Variants in SDR39U1 observed in about 807,000 individuals in gnomAD.
The protein encoded by SDR39U1 is epimerase family protein SDR39U1.
In SDR39U1, 29 loss-of-function variants were observed where a neutral mutation model predicts 31.7. The ratio of observed to expected loss-of-function variants is 0.92; its 90% CI spans 0.68 to 1.25. The LOEUF is 1.25. SDR39U1 is among the 50% of genes most tolerant of loss of function. The probability of loss-of-function intolerance (pLI) is 0.00; values close to 1 mark genes in which losing one functional copy is unlikely to be tolerated. For missense variants in SDR39U1, 403 were observed against 378.4 expected (o/e 1.06, Z -0.54); for synonymous variants, 147 against 159.0 (o/e 0.92, Z 0.57).
chr14:24,442,029 G>T, intron 3 of SDR39U1, 149 bp downstream of exon 3: 1 of 1,513,952 alleles, frequency 6.6e-7, no homozygotes, highest in Non-Finnish European at 8.9e-7. Flanking sequence ...AGCAGGTGGG[G>T]GTGGAGGAGT....
In SDR39U1 at chr14:24,441,726, G is replaced by A. The variant is rs376688059; in HGVS notation, c.276C>T (p.Ala92=). 2 of 1,599,926 alleles carry A rather than the reference G, an allele frequency of 1.3e-6. No individual in the cohort carries two copies. The highest frequency in any genetic ancestry group is 1.4e-5 in the African/African-American group (1 of 74,016). ...TGGGGGGTTGTGGGGCTTTGGTGAT[G>A]GCTTTAGCCAGCAATTGGGTGGTCT... ...RLETTQLLAK[A]ITKAPQPPKA... The change falls in exon 4 of 6, where the codon GCC becomes GCT. Residue 92 remains alanine, a synonymous_variant. Transcript: ENST00000399395.
chr14:24,439,843 C>T lies in SDR39U1; in HGVS notation c.*240G>A, dbSNP rs1007400728. 59 of 466,774 alleles carry T rather than the reference C, an allele frequency of 1.3e-4. 1 individual carries two copies. Among genetic ancestry groups the T allele is most frequent in the Admixed American group, 3.8e-4 (10 of 26,062 alleles). The allele number at this position is 466,774 out of a possible 1,614,324, so 28.9% of individuals were successfully genotyped here. ...GCGTAAAGGAGAAGTGGGGCAGCTG[C>T]AGGACATGTAGAGAAACCAAACTGG... On this transcript the variant is annotated 3_prime_UTR_variant, in exon 6 of 6. Transcript: ENST00000399395.
intron 3 of SDR39U1, 177 bp from the exon 4 acceptor site, chr14:24,441,972 C>T (rs992612852): frequency 2.2e-6 from 3 of 1,354,866 alleles, no homozygotes; most frequent in Non-Finnish European, 3.1e-6. Flanking sequence ...CCTGGGCATC[C>T]TGAGTTATAC....
At chr14:24,442,522 G>T in intron 1 of SDR39U1, 70 bp from the exon 2 acceptor site, 1 of 1,420,690 alleles carries the variant, frequency 7.0e-7, no homozygotes, top group Non-Finnish European at 9.8e-7. Context: ...TCCCCGCTGT[G>T]GCACCCTCTT....
chr14:24,442,555 C>G (rs1253714860), intron 1 of SDR39U1, 103 bp from the exon 2 acceptor site: 6 of 1,279,432 alleles, frequency 4.7e-6, no homozygotes, highest in Non-Finnish European at 6.7e-6. Flanking sequence ...CATCTGACAC[C>G]AGGCTTCTCC....
Position 24,441,630 on chromosome 14 carries a change from G to A in SDR39U1, c.328+44C>T, listed in dbSNP as rs781238250. The A allele has an allele frequency of 3.3e-6, 5 of 1,523,394 alleles. No individual in the cohort carries two copies. In the African/African-American group the frequency reaches 5.6e-5, roughly 17 times the overall value. The allele number at this position is 1,523,394 out of a possible 1,614,324, so 94.4% of individuals were successfully genotyped here. ...TAGCTACAGAGGTCTGAGTTACCCC[G>A]TTCCCCTGGCGAATATAAGGGGCTG... On this transcript the variant is annotated intron_variant, in intron 4 of 5. Coordinates refer to ENST00000399395, the MANE Select transcript of SDR39U1 (RefSeq NM_020195.3).
intron 3 of SDR39U1, 183 bp from the exon 4 acceptor site, chr14:24,441,978 T>C (rs989441967): frequency 1.7e-5 from 23 of 1,368,204 alleles, no homozygotes; most frequent in African/African-American, 2.9e-5. Flanking sequence ...CATCCTGAGT[T>C]ATACGTGAGG....
chr14:24,439,873 T>G lies in SDR39U1; in HGVS notation c.*210A>C. The G allele has an allele frequency of 3.9e-6, 2 of 508,196 alleles. No individual in the cohort carries two copies. The highest frequency in any genetic ancestry group is 3.1e-5 in the East Asian group (1 of 32,044). 31.5% of individuals were successfully genotyped at this position (508,196 alleles called of 1,614,324 possible). A position where few individuals can be genotyped will look rare whatever the true frequency, so the allele number is the denominator to read the frequency against. On this transcript the variant is annotated 3_prime_UTR_variant, in exon 6 of 6. Coordinates refer to ENST00000399395, the MANE Select transcript of SDR39U1 (RefSeq NM_020195.3). ...CATGTAGAGAAACCAAACTGGGAAA[T>G]CTTACAAGGAGTTGAAAAGATTAAT... is the stretch of plus-strand genomic sequence containing the variant.
At position 24,442,179 on chromosome 14, in the gene SDR39U1, T is replaced by C; in HGVS notation, c.205A>G (p.Arg69Gly). ...ATCAGCTTTAGGGCCCGGGCTGACC[T>C]TCGGAGAGGGTTGAGGATGTTCTCT... is the stretch of plus-strand genomic sequence containing the variant. ...AGENILNPLR[R>G]WNETFQKEVI... The change falls in exon 3 of 6, where the codon AGA becomes GGA. Residue 69 changes from arginine (R) to glycine (G), a missense_variant and splice_region_variant. Coordinates refer to ENST00000399395, the MANE Select transcript of SDR39U1 (RefSeq NM_020195.3). The C allele has an allele frequency of 6.2e-7, 1 of 1,610,254 alleles. No homozygotes were observed. Among genetic ancestry groups the C allele is most frequent in the Non-Finnish European group, 8.5e-7 (1 of 1,178,444 alleles).
chr14:24,440,074 A>T lies in SDR39U1; in HGVS notation c.*9T>A. On this transcript the variant is annotated 3_prime_UTR_variant, in exon 6 of 6. Coordinates refer to ENST00000399395, the MANE Select transcript of SDR39U1 (RefSeq NM_020195.3). ...GAGGAACAGGCCTCAGGCCCTTGCCACGACCTACTTAGGCTACAATTTCCT... is the reference window on the plus strand; with the variant it reads ...GAGGAACAGGCCTCAGGCCCTTGCCTCGACCTACTTAGGCTACAATTTCCT... 1 of 1,582,170 alleles carries T rather than the reference A, an allele frequency of 6.3e-7. No individual in the cohort carries two copies. The highest frequency in any genetic ancestry group is 8.6e-7 in the Non-Finnish European group (1 of 1,160,112).
At position 24,439,990 on chromosome 14, in the gene SDR39U1, A is replaced by G; in HGVS notation, c.*93T>C. 6.8e-6 allele frequency: 7 copies of G among 1,033,754 alleles called. No individual in the cohort carries two copies. Among genetic ancestry groups the G allele is most frequent in the Non-Finnish European group, 9.7e-6 (7 of 721,134 alleles). The allele number at this position is 1,033,754 out of a possible 1,614,324, so 64.0% of individuals were successfully genotyped here. ...ACTGGGAGAGGAATCTAAGAACCAG[A>G]TGGCTTCAGCTCTCTAGAGGAGCTG... On this transcript the variant is annotated 3_prime_UTR_variant, in exon 6 of 6. Coordinates refer to ENST00000399395, the MANE Select transcript of SDR39U1 (RefSeq NM_020195.3).
chr14:24,440,962 C>T, intron 4 of SDR39U1, 36 bp from the exon 5 acceptor site: 1 of 1,613,164 alleles, frequency 6.2e-7, no homozygotes, highest in Non-Finnish European at 8.5e-7. Context: ...CCTGGGTGTC[C>T]TTGGTCCTGC....
Position 24,440,043 on chromosome 14 carries a change from G to C in SDR39U1, c.*40C>G. On this transcript the variant is annotated 3_prime_UTR_variant, in exon 6 of 6. Transcript: ENST00000399395. ...CCTATTCACAGTGCCTAACCTGGAA[G>C]CCTGTGAGGAACAGGCCTCAGGCCC... 6.6e-6 allele frequency: 10 copies of C among 1,521,210 alleles called. No individual in the cohort carries two copies. The highest frequency in any genetic ancestry group is 8.9e-6 in the Non-Finnish European group (10 of 1,125,560). The allele number at this position is 1,521,210 out of a possible 1,614,324, so 94.2% of individuals were successfully genotyped here.
rs1045774683 is a variant in SDR39U1 at position 24,440,247 on chromosome 14, C to T, written c.718G>A (p.Ala240Thr). The change falls in exon 6 of 6, where the codon GCC becomes ACC. Residue 240 changes from alanine (A) to threonine (T), a missense_variant. Coordinates refer to ENST00000399395, the MANE Select transcript of SDR39U1 (RefSeq NM_020195.3). Reference protein sequence around the residue: ...QTLGAALGRRAFIPLPSAVVQ... With the variant: ...QTLGAALGRRTFIPLPSAVVQ... ...ACAGCGCTGGGGAGAGGGATGAAGG[C>T]TCGGCGGCCCAGGGCAGCACCCAAG... 10 of 1,613,744 alleles carry T rather than the reference C, an allele frequency of 6.2e-6. No homozygotes were observed. The highest frequency in any genetic ancestry group is 1.3e-5 in the African/African-American group (1 of 74,936).
chr14:24,441,055 G>A (rs1276320356), intron 4 of SDR39U1, 129 bp from the exon 5 acceptor site: 1 of 1,039,354 alleles, frequency 9.6e-7, no homozygotes, highest in Non-Finnish European at 1.5e-6. Flanking sequence ...GAGCCATTTG[G>A]ATATTTTCCC....
chr14:24,440,796 C>G lies in SDR39U1; in HGVS notation c.459G>C (p.Val153=), dbSNP rs756881804. ...ARLPGDSTRQ[V]VVRSGVVLGR... is the part of the protein sequence containing the mutation. ...CCCGTTTCTCACCTGAGCGCACCAC[C>G]ACCTGGCGTGTAGAATCTCCAGGAA... The change falls in exon 5 of 6, where the codon GTG becomes GTC. Residue 153 remains valine (V), a synonymous_variant. Transcript: ENST00000399395. 24 of 1,613,938 alleles carry G rather than the reference C, an allele frequency of 1.5e-5. No individual in the cohort carries two copies. The highest frequency in any genetic ancestry group is 1.9e-5 in the Non-Finnish European group (23 of 1,179,854).
At position 24,442,237 on chromosome 14, in the gene SDR39U1, C is replaced by T. The variant is rs763368820; in HGVS notation, c.147G>A (p.Leu49=). The T allele has an allele frequency of 1.2e-6, 2 of 1,611,296 alleles. No homozygotes were observed. The highest frequency in any genetic ancestry group is 3.3e-5 in the Admixed American group (2 of 59,720). The part of the protein sequence containing the change: ...ITWDELAASG[L]PSCDAAVNLA... ...GGTTGACGGCGGCATCGCAGCTCGG[C>T]AGCCCCGATGCAGCGAGCTCATCCT... is the stretch of plus-strand genomic sequence containing the variant. The change falls in exon 3 of 6, where the codon CTG becomes CTA. Residue 49 remains leucine, a synonymous_variant. Coordinates refer to ENST00000399395, the MANE Select transcript of SDR39U1 (RefSeq NM_020195.3).
At chr14:24,442,049 T>C (rs1262541887) in intron 3 of SDR39U1, 129 bp downstream of exon 3, 2 of 1,541,640 alleles carry the variant, frequency 1.3e-6, no homozygotes, top group East Asian at 4.9e-5. Flanking sequence ...TGGAGCAGAA[T>C]GAGTAGTCTG....
At chr14:24,442,292 C>T in intron 2 of SDR39U1, 32 bp from the exon 3 acceptor site, 25 of 1,600,138 alleles carry the variant, frequency 1.6e-5, no homozygotes, top group East Asian at 2.3e-5. Context: ...GCCCCTGCCC[C>T]GCCCTGCGCC....
Sources: gnomAD v4.1 joint callset for allele counts on GRCh38, gnomAD v4.1.1 for gene constraint, MANE v1.5 for transcripts, NCBI Gene and HGNC (gene_info 2026-07-23, HGNC 2026-07-21) for gene names.